UGT1A10: variants seen among roughly 807,000 people sequenced by gnomAD.
UGT1A10 encodes the protein UDP-glucuronosyltransferase 1A10.
In UGT1A10, 49 loss-of-function variants were observed where a neutral mutation model predicts 45.8. That is an observed-to-expected ratio of 1.07 (90% confidence interval 0.85 to 1.36). The LOEUF (loss-of-function observed/expected upper bound fraction) is 1.36. Ranked by LOEUF, UGT1A10 falls within the 40% of genes most tolerant of loss-of-function variation. The probability of loss-of-function intolerance (pLI) is 0.00; values close to 1 mark genes in which losing one functional copy is unlikely to be tolerated. For synonymous variants in UGT1A10, 284 were observed against 249.7 expected (o/e 1.14, Z -1.29); for missense variants, 745 against 668.6 (o/e 1.11, Z -1.26).
intron 1 of UGT1A10, among the ~76,000 whole-genome samples, chr2:233,659,921 CA>C (rs1238127458): frequency 1.3e-5 from 2 of 152,176 alleles, no homozygotes; most frequent in Non-Finnish European, 2.9e-5. Flanking sequence ...GGTACTGATT[CA>C]AAAGCACTCA....
intron 1 of UGT1A10, among the ~76,000 whole-genome samples, chr2:233,646,179 T>C (rs2073596599): frequency 6.6e-6 from 1 of 152,142 alleles, no homozygotes; most frequent in African/African-American, 2.4e-5. Context: ...GCTGGAGCAG[T>C]TGGGATGCAA....
chr2:233,717,440 C>G (rs1261238198), intron 1 of UGT1A10, among the ~76,000 whole-genome samples: 3 of 152,238 alleles, frequency 2.0e-5, no homozygotes, highest in Non-Finnish European at 4.4e-5. Context: ...CTGATGGACG[C>G]ATCCATTCAC....
chr2:233,724,362 A>G (rs1231465010), intron 1 of UGT1A10, among the ~76,000 whole-genome samples: 2 of 144,194 alleles, frequency 1.4e-5, no homozygotes, highest in Non-Finnish European at 1.5e-5. Flanking sequence ...TCCCTCCCGG[A>G]CGGGGTGGCT....
chr2:233,644,659 A>G (rs927894411), intron 1 of UGT1A10, among the ~76,000 whole-genome samples: 1 of 152,210 alleles, frequency 6.6e-6, no homozygotes, highest in African/African-American at 2.4e-5. Flanking sequence ...CTCTAACAGA[A>G]TAGCACTGAT....
rs368518074 is a variant in UGT1A10, at chr2:233,743,691, C to A, written c.856-23343C>A. On this transcript the variant is annotated intron_variant, in intron 1 of 4. Coordinates refer to ENST00000344644, the MANE Select transcript of UGT1A10 (RefSeq NM_019075.4). The stretch of plus-strand genomic sequence containing the variant: ...TCGAAGGGCCTGCCGCCTGTGCAGC[C>A]GCCCTCCGCCCCCGCCTCGCCATAG... 5.1e-6 allele frequency: 7 copies of A among 1,367,238 alleles called. No individual in the cohort carries two copies. In the South Asian group the frequency reaches 7.9e-5, roughly 16 times the overall value. 84.7% of individuals were successfully genotyped at this position (1,367,238 alleles called of 1,614,324 possible).
At chr2:233,692,903 A>G in intron 1 of UGT1A10, 1 of 1,546,668 alleles carries the variant, frequency 6.5e-7, no homozygotes. Context: ...GGTAGACAGG[A>G]CCTGTGAAAA....
intron 1 of UGT1A10, chr2:233,747,528 T>C: frequency 6.2e-7 from 1 of 1,605,898 alleles, no homozygotes; most frequent in Non-Finnish European, 8.5e-7. Context: ...AACAGAACAT[T>C]TTCTGAAGAC....
chr2:233,768,399 G>A lies in UGT1A10; in HGVS notation c.1255G>A (p.Asp419Asn). ...TLNVLEMTSE[D>N]LENALKAVIN... ...GAATGTTCTGGAAATGACTTCTGAA[G>A]ATTTAGAAAATGCTCTAAAAGCAGT... Residue 419 changes from aspartate to asparagine, a missense_variant, in exon 4 of 5, where the codon GAT (aspartate) becomes AAT (asparagine). Physicochemically the swap from Asp to Asn is conservative, Grantham distance 23 (BLOSUM62 1). Coordinates refer to ENST00000344644, the MANE Select transcript of UGT1A10 (RefSeq NM_019075.4). 2 of 1,614,194 alleles carry A rather than the reference G, an allele frequency of 1.2e-6. No individual in the cohort carries two copies. Among genetic ancestry groups the A allele is most frequent in the African/African-American group, 2.7e-5 (2 of 75,034 alleles).
chr2:233,772,348 T>C lies in UGT1A10; in HGVS notation c.1382T>C (p.Phe461Ser). ...PLDLAVFWVE[F>S]VMRHKGAPHL... Reference sequence around the variant, plus strand: ...GACCTGGCCGTGTTCTGGGTGGAGTTTGTGATGAGGCACAAGGGCGCGCCA... The same window carrying C: ...GACCTGGCCGTGTTCTGGGTGGAGTCTGTGATGAGGCACAAGGGCGCGCCA... Residue 461 changes from phenylalanine (F) to serine (S), a missense_variant, in exon 5 of 5, where the codon TTT becomes TCT. Physicochemically the swap from Phe to Ser is radical, Grantham distance 155. Transcript: ENST00000344644. 3 of 1,614,234 alleles carry C rather than the reference T, an allele frequency of 1.9e-6. No individual in the cohort carries two copies. In the South Asian group the frequency reaches 3.3e-5, roughly 18 times the overall value.
At chr2:233,646,886 T>G (rs534109112) in intron 1 of UGT1A10, among the ~76,000 whole-genome samples, 1 of 152,338 alleles carries the variant, frequency 6.6e-6, no homozygotes, top group South Asian at 2.1e-4. Context: ...AGCAATCCAC[T>G]CTACTGGTAC....
chr2:233,659,374 T>C (rs2073921332), intron 1 of UGT1A10, among the ~76,000 whole-genome samples: 1 of 152,186 alleles, frequency 6.6e-6, no homozygotes, highest in Non-Finnish European at 1.5e-5. Context: ...AACACATATT[T>C]GATATGCTTT....
At chr2:233,725,411 A>G (rs1339557332) in intron 1 of UGT1A10, among the ~76,000 whole-genome samples, 2 of 151,802 alleles carry the variant, frequency 1.3e-5, no homozygotes, top group Non-Finnish European at 2.9e-5. Context: ...TCTAATACAG[A>G]ATTGTCCAAT....
intron 1 of UGT1A10, among the ~76,000 whole-genome samples, chr2:233,653,047 G>T (rs1227072347): frequency 6.6e-6 from 1 of 152,208 alleles, no homozygotes; most frequent in Non-Finnish European, 1.5e-5. Flanking sequence ...TCTAAGATGT[G>T]CAAGTAAACA....
chr2:233,675,135 G>T (rs995853037), intron 1 of UGT1A10, among the ~76,000 whole-genome samples: 13 of 145,500 alleles, frequency 8.9e-5, no homozygotes, highest in African/African-American at 2.7e-4. Flanking sequence ...TCTCCTTGAG[G>T]CTATCCAGGG....
intron 1 of UGT1A10, among the ~76,000 whole-genome samples, chr2:233,645,705 G>C (rs1212879586): frequency 6.6e-6 from 1 of 152,226 alleles, no homozygotes; most frequent in Non-Finnish European, 1.5e-5. Flanking sequence ...TAAGAGGTGA[G>C]TTCCCATGGT....
chr2:233,765,082 C>T (rs2741017), intron 1 of UGT1A10, among the ~76,000 whole-genome samples: 1 of 152,198 alleles, frequency 6.6e-6, no homozygotes, highest in South Asian at 2.1e-4. Context: ...TGTCTCACAT[C>T]TAGGGTGACC....
intron 1 of UGT1A10, chr2:233,722,202 A>C (rs1295907588): frequency 1.9e-5 from 3 of 154,218 alleles, no homozygotes; most frequent in Admixed American, 6.5e-5. Context: ...TACTGAGTGC[A>C]TGAAAGATCA....
intron 1 of UGT1A10, chr2:233,717,728 T>C (rs1450315023): frequency 2.2e-6 from 1 of 456,056 alleles, no homozygotes; most frequent in Non-Finnish European, 4.4e-6. Flanking sequence ...CATGAGACCA[T>C]TGTGAGTGCT....
At chr2:233,711,690 G>A (rs1409150978) in intron 1 of UGT1A10, among the ~76,000 whole-genome samples, 1 of 152,202 alleles carries the variant, frequency 6.6e-6, no homozygotes, top group Non-Finnish European at 1.5e-5. Flanking sequence ...TCTAATGGGG[G>A]TAACTTCCTC....
Sources: gnomAD v4.1 joint callset for allele counts (sites outside exome capture counted in the v4.1 genomes callset) on GRCh38, gnomAD v4.1.1 for gene constraint, MANE v1.5 for transcripts, NCBI Gene and HGNC (gene_info 2026-07-23, HGNC 2026-07-21) for gene names.